The following NDUFA10 variants were observed in gnomAD, a reference collection of about 807,000 sequenced individuals.
NDUFA10 encodes the protein NADH:ubiquinone oxidoreductase subunit A10, also known as NADH dehydrogenase [ubiquinone] 1 alpha subcomplex subunit 10, mitochondrial.
Under a neutral mutation model 47.8 loss-of-function variants are expected in NDUFA10, and 40 were observed. The observed-to-expected ratio is 0.84, with a 90% CI of 0.65 to 1.09. NDUFA10 has a LOEUF of 1.09. Among genes scored for constraint, NDUFA10 ranks in the 50% least tolerant of loss-of-function variants. The probability of loss-of-function intolerance (pLI) is 0.00; values close to 1 mark genes in which losing one functional copy is unlikely to be tolerated. For synonymous variants in NDUFA10, 183 were observed against 172.2 expected, an observed-to-expected ratio of 1.06 and a Z score of -0.49; for missense variants, 413 against 451.1, an observed-to-expected ratio of 0.92 and a Z score of 0.76.
chr2:239,893,095 C>G (rs977259782), intron 5 of NDUFA10, among the ~76,000 whole-genome samples: 1 of 152,132 alleles, frequency 6.6e-6, no homozygotes, highest in Non-Finnish European at 1.5e-5. Flanking sequence ...GAGTAAGTAC[C>G]CTGCCCTGGC....
intron 9 of NDUFA10, chr2:239,982,098 T>G (rs778083896): frequency 9.7e-5 from 156 of 1,612,356 alleles, no homozygotes; most frequent in Non-Finnish European, 1.3e-4. Flanking sequence ...AGCAAACCAG[T>G]GACCTGACAC....
At chr2:239,949,342 A>G (rs77698846) in intron 4 of NDUFA10, among the ~76,000 whole-genome samples, 3,649 of 152,244 alleles carry the variant, frequency 0.024, 154 homozygotes, top group African/African-American at 0.083. Context: ...GTATTTGGTC[A>G]AACAAGATTT....
intron 4 of NDUFA10, among the ~76,000 whole-genome samples, chr2:239,911,666 A>AGTGTGTGTGT (rs1271984352): frequency 0.013 from 1,162 of 86,248 alleles, 17 homozygotes; most frequent in African/African-American, 0.047. Flanking sequence ...CCAAAACATG[A>AGTGTGTGTGT]GAGAGTGTGT....
At chr2:239,994,254 A>C (rs1182322210) in intron 8 of NDUFA10, among the ~76,000 whole-genome samples, 3 of 152,140 alleles carry the variant, frequency 2.0e-5, no homozygotes, top group Non-Finnish European at 4.4e-5. Context: ...GGAGGTGAGC[A>C]AGCAAGCCAG....
At position 240,025,302 on chromosome 2, in the gene NDUFA10, G is replaced by A. The variant is rs1574907982; in HGVS notation, c.-1C>T. 5.3e-6 allele frequency: 8 copies of A among 1,506,040 alleles called. No homozygotes were observed. The East Asian group carries it at 1.4e-4, about 26-fold the overall frequency. The allele number at this position is 1,506,040 out of a possible 1,614,324, so 93.3% of individuals were successfully genotyped here. On this transcript the variant is annotated 5_prime_UTR_variant, in exon 1 of 10. Transcript: ENST00000252711. ...CCAGCTTCAGGAGCCGCAAGGCCAT[G>A]GCTACCCGGTCAGCTCAGGATCAAG...
At chr2:239,995,557 T>C (rs540506055) in intron 8 of NDUFA10, among the ~76,000 whole-genome samples, 6 of 152,200 alleles carry the variant, frequency 3.9e-5, no homozygotes, top group East Asian at 3.9e-4. Context: ...AAACAACAAA[T>C]GCAGCAAACA....
rs1697151535 is a variant in NDUFA10 at position 240,011,679 on chromosome 2, G to C, written c.687C>G (p.Ile229Met). 6.2e-7 allele frequency: 1 copy of C among 1,613,028 alleles called. No individual in the cohort carries two copies. The highest frequency in any genetic ancestry group is 8.5e-7 in the Non-Finnish European group (1 of 1,179,078). ...QKKGDPHEMK[I>M]TSAYLQDIEN... ...CAATGTCCTGTAGATAGGCAGAGGT[G>C]ATCTTCATTTCATGTGGCTAAACAG... Residue 229 changes from isoleucine (I) to methionine (M), a missense_variant, in exon 6 of 10, where the codon ATC (isoleucine) becomes ATG (methionine). Ile to Met is a conservative substitution (Grantham distance 10). Transcript: ENST00000252711.
intron 5 of NDUFA10, among the ~76,000 whole-genome samples, chr2:239,893,514 G>T (rs1693334268): frequency 6.6e-6 from 1 of 152,184 alleles, no homozygotes; most frequent in Non-Finnish European, 1.5e-5. Flanking sequence ...CCAAGATCAG[G>T]GTAGGTCTGG....
rs1279160099 is a variant in NDUFA10 at position 239,906,301 on chromosome 2, T to C, written c.295-10987A>G. Among the ~76,000 whole-genome samples, 1 of 152,212 alleles carries C rather than the reference T, an allele frequency of 6.6e-6. No homozygotes were observed. The highest frequency in any genetic ancestry group is 1.5e-5 in the Non-Finnish European group (1 of 68,032). ...GCTCTTAGCAAAACTGCGGCTTCAG[T>C]TGTGCCTTGCTGACTGTCTAGGCAC... On this transcript the variant is annotated intron_variant, in intron 4 of 5. Coordinates refer to the NDUFA10 transcript ENST00000419408. This position sits in a 1 kb window ranked among gnomAD's most constrained non-coding sequence, Gnocchi z 4.3.
chr2:239,994,516 C>T (rs1696389274), intron 8 of NDUFA10, among the ~76,000 whole-genome samples: 2 of 152,044 alleles, frequency 1.3e-5, no homozygotes, highest in Admixed American at 1.3e-4. Context: ...ACTGATTTTA[C>T]ATCATGGTGA....
intron 3 of NDUFA10, among the ~76,000 whole-genome samples, chr2:240,019,805 C>T (rs1384554175): frequency 2.1e-4 from 4 of 19,176 alleles, no homozygotes; most frequent in Non-Finnish European, 2.9e-4. Flanking sequence ...GGCGACAGAG[C>T]GAGACTCCGT....
intron 4 of NDUFA10, among the ~76,000 whole-genome samples, chr2:239,939,327 T>A (rs1694320838): frequency 6.6e-6 from 1 of 152,146 alleles, no homozygotes; most frequent in African/African-American, 2.4e-5. Flanking sequence ...GCTGAAATGC[T>A]CCTGGGTTTG....
At chr2:239,932,570 C>CT (rs968227020) in intron 4 of NDUFA10, among the ~76,000 whole-genome samples, 48 of 152,026 alleles carry the variant, frequency 3.2e-4, no homozygotes, top group Non-Finnish European at 5.7e-4. Context: ...AAGTGAAACT[C>CT]TCTGGTCAAA....
At chr2:239,927,780 A>G (rs917052102) in intron 4 of NDUFA10, among the ~76,000 whole-genome samples, 7 of 152,200 alleles carry the variant, frequency 4.6e-5, no homozygotes, top group African/African-American at 1.7e-4. Context: ...GGAGATTCAC[A>G]CGATGACATC....
At chr2:239,921,990 CTCCCTCCTTCCTTCTTTCCTTCCT>C (rs71404624) in intron 4 of NDUFA10, among the ~76,000 whole-genome samples, 41,014 of 141,314 alleles carry the variant, frequency 0.29, 6,386 homozygotes, top group Middle Eastern at 0.33. Context: ...CTTTCCTTCC[CTCCCTCCTTCCTTCTTTCCTTCCT>C]TCCCTTCTTC....
downstream of NDUFA10, among the ~76,000 whole-genome samples, chr2:239,956,417 G>C (rs1694654422): frequency 2.0e-5 from 3 of 152,178 alleles, no homozygotes; most frequent in Admixed American, 2.0e-4. Flanking sequence ...TGAGCACGTG[G>C]GGTCCTACCC....
At chr2:239,912,858 G>A (rs73001750) in intron 4 of NDUFA10, among the ~76,000 whole-genome samples, 3 of 152,320 alleles carry the variant, frequency 2.0e-5, no homozygotes, top group South Asian at 2.1e-4. Flanking sequence ...TCGGGTCCAC[G>A]TGCTGCCTCA....
intron 4 of NDUFA10, among the ~76,000 whole-genome samples, chr2:239,940,817 C>T (rs4241305): frequency 0.79 from 120,498 of 151,818 alleles, 47,933 homozygotes; most frequent in Admixed American, 0.84. Flanking sequence ...TTCCACTATA[C>T]AGCACAGAAC....
intron 4 of NDUFA10, among the ~76,000 whole-genome samples, chr2:240,015,568 G>A (rs1283674103): frequency 2.0e-5 from 3 of 152,248 alleles, no homozygotes; most frequent in African/African-American, 7.2e-5. Flanking sequence ...GAAATTGAAA[G>A]CAGCTAAGGC....
Sources: gnomAD v4.1 joint callset for allele counts (sites outside exome capture counted in the v4.1 genomes callset) on GRCh38, gnomAD v4.1.1 for gene constraint, Gnocchi (gnomAD v3.1) non-coding constraint, MANE v1.5 for transcripts, NCBI Gene and HGNC (gene_info 2026-07-23, HGNC 2026-07-21) for gene names.